Variants in MTMR3 observed in about 807,000 individuals in gnomAD.
The protein encoded by MTMR3 is phosphatidylinositol-3,5-bisphosphate 3-phosphatase MTMR3.
In MTMR3, 32 loss-of-function variants were observed where a neutral mutation model predicts 132.4. That is an observed-to-expected ratio of 0.24 (90% confidence interval 0.18 to 0.32). The LOEUF (loss-of-function observed/expected upper bound fraction) is 0.32, where lower values mean the gene tolerates loss of function less well. Among genes scored for constraint, MTMR3 ranks in the 10% least tolerant of loss-of-function variants. The pLI, the probability that MTMR3 is intolerant of heterozygous loss-of-function variation, is 1.00. For missense variants in MTMR3, 1,216 were observed against 1,489.6 expected (o/e 0.82, Z 3.02); for synonymous variants, 556 against 550.3 (o/e 1.01, Z -0.14).
At chr22:30,000,840 T>C (rs2145924874) in intron 8 of MTMR3, 1 of 152,294 alleles carries the variant, frequency 6.6e-6, no homozygotes, top group South Asian at 2.1e-4. Flanking sequence ...GGAAATTGTT[T>C]ATCCACAAGT....
At chr22:29,926,720 T>A (rs1433916061) in intron 1 of MTMR3, among the ~76,000 whole-genome samples, 2 of 152,222 alleles carry the variant, frequency 1.3e-5, no homozygotes, top group Non-Finnish European at 2.9e-5. Flanking sequence ...TCTTTGCCTA[T>A]TTTTAATTTG....
intron 1 of MTMR3, among the ~76,000 whole-genome samples, chr22:29,884,751 C>T (rs1411588578): frequency 1.3e-5 from 2 of 151,868 alleles, no homozygotes; most frequent in Admixed American, 1.3e-4. Flanking sequence ...TTAGTAGAGA[C>T]GGGGATTTCA....
chr22:29,951,156 A>C (rs1452958116), intron 1 of MTMR3, among the ~76,000 whole-genome samples: 1 of 152,122 alleles, frequency 6.6e-6, no homozygotes, highest in African/African-American at 2.4e-5. Flanking sequence ...TCTCAAAAAA[A>C]AAGTATAAAG....
At chr22:29,910,123 C>G (rs2079195054) in intron 1 of MTMR3, among the ~76,000 whole-genome samples, 1 of 149,184 alleles carries the variant, frequency 6.7e-6, no homozygotes, top group East Asian at 2.0e-4. Context: ...GAGATTGTGC[C>G]ACTGCACTCC....
At chr22:29,962,017 A>G (rs540559452) in intron 2 of MTMR3, among the ~76,000 whole-genome samples, 2 of 152,360 alleles carry the variant, frequency 1.3e-5, no homozygotes, top group East Asian at 3.9e-4. Context: ...AGGTTTGTAT[A>G]AATACCTCTG....
intron 14 of MTMR3, chr22:30,014,793 T>C (rs2067532744): frequency 6.6e-6 from 1 of 152,038 alleles, no homozygotes; most frequent in South Asian, 2.1e-4. Context: ...AGGCGTAAGC[T>C]TCGACACCTA....
At chr22:29,896,326 A>G (rs1220871724) in intron 1 of MTMR3, among the ~76,000 whole-genome samples, 1 of 152,178 alleles carries the variant, frequency 6.6e-6, no homozygotes, top group Non-Finnish European at 1.5e-5. Context: ...AAACAAACAA[A>G]AAAAACTTTT....
Position 29,979,052 on chromosome 22 carries a change from T to C in MTMR3, c.210T>C (p.Asn70=). The C allele has an allele frequency of 3.8e-6, 6 of 1,577,794 alleles. No homozygotes were observed. The highest frequency in any genetic ancestry group is 1.1e-5 in the South Asian group (1 of 90,318). The change falls in exon 5 of 20, where the codon AAT becomes AAC. Residue 70 remains asparagine, a splice_region_variant and synonymous_variant. Transcript: ENST00000401950. ...TCAAGTTCAAGGAGTCTCTTGTTAA[T>C]GTAAGTGATTACCAGCTGTTCTCCC... ...LHIKFKESLV[N]VPLQLIESVE...
intron 2 of MTMR3, among the ~76,000 whole-genome samples, chr22:29,965,189 A>C (rs1311280860): frequency 6.6e-6 from 1 of 151,886 alleles, no homozygotes; most frequent in South Asian, 2.1e-4. Context: ...ATGGTATATA[A>C]GTTGTATTAA....
chr22:29,918,501 G>C (rs2065349721), intron 1 of MTMR3, among the ~76,000 whole-genome samples: 1 of 152,060 alleles, frequency 6.6e-6, no homozygotes, highest in Admixed American at 6.6e-5. Flanking sequence ...GTGAGACTTA[G>C]GCTTATAATA....
chr22:29,975,006 G>C (rs528709417), intron 3 of MTMR3, among the ~76,000 whole-genome samples: 1 of 151,940 alleles, frequency 6.6e-6, no homozygotes, highest in African/African-American at 2.4e-5. Flanking sequence ...TCACTCTGTC[G>C]CCCGGGTTGG....
intron 1 of MTMR3, among the ~76,000 whole-genome samples, chr22:29,928,228 G>A (rs930482956): frequency 2.8e-5 from 4 of 140,572 alleles, no homozygotes; most frequent in Non-Finnish European, 6.0e-5. Flanking sequence ...GCTGGAGTAC[G>A]ATGGCATGAT....
At chr22:29,969,538 G>GTT (rs111517689) in intron 2 of MTMR3, among the ~76,000 whole-genome samples, 1 of 150,204 alleles carries the variant, frequency 6.7e-6, no homozygotes, top group African/African-American at 2.4e-5. Context: ...TGTTTTTTTG[G>GTT]TTTTTTTTTG....
At chr22:29,999,455 G>A (rs1314039920) in intron 8 of MTMR3, 1 of 152,108 alleles carries the variant, frequency 6.6e-6, no homozygotes, top group Non-Finnish European at 1.5e-5. Flanking sequence ...TTATACAGCT[G>A]GAAGGTAATT....
intron 1 of MTMR3, among the ~76,000 whole-genome samples, chr22:29,898,052 T>C (rs1215965872): frequency 1.3e-5 from 2 of 152,136 alleles, no homozygotes; most frequent in Non-Finnish European, 2.9e-5. Context: ...CTTGGCTCAC[T>C]GCAACTTCCG....
At position 30,020,286 on chromosome 22, in the gene MTMR3, T is replaced by C. The variant is rs1195467464; in HGVS notation, c.2627T>C (p.Leu876Pro). 6.2e-7 allele frequency: 1 copy of C among 1,614,212 alleles called. No homozygotes were observed. The highest frequency in any genetic ancestry group is 1.3e-5 in the African/African-American group (1 of 75,064). ...SCLVNSGKDR[L>P]PQTMEPSPSE... ...CTTGTAAATAGTGGCAAGGACAGGC[T>C]TCCTCAGACCATGGAACCCAGCCCT... Residue 876 changes from leucine (L) to proline (P), a missense_variant, in exon 17 of 20, where the codon CTT becomes CCT. By Grantham distance (98) the Leu-to-Pro change is moderately conservative. Coordinates refer to ENST00000401950, the MANE Select transcript of MTMR3 (RefSeq NM_021090.4).
At chr22:30,013,242 G>A in intron 13 of MTMR3, 114 bp from the exon 14 acceptor site, 1 of 1,077,172 alleles carries the variant, frequency 9.3e-7, no homozygotes, top group Non-Finnish European at 1.3e-6. Flanking sequence ...GGCAAGGCCG[G>A]GTGGGCTTTC....
At chr22:29,978,716 T>C (rs902608586) in intron 4 of MTMR3, among the ~76,000 whole-genome samples, 185 bp downstream of exon 4, 1 of 152,182 alleles carries the variant, frequency 6.6e-6, no homozygotes, top group African/African-American at 2.4e-5. Context: ...TTTAAGATGA[T>C]CTTCTCTGTA....
intron 2 of MTMR3, among the ~76,000 whole-genome samples, chr22:29,966,738 TG>T (rs2066425996): frequency 9.9e-6 from 1 of 101,022 alleles, no homozygotes; most frequent in Non-Finnish European, 2.1e-5. Flanking sequence ...TGTGTGTGTG[TG>T]TGTGTGTGTG....
Sources: allele counts gnomAD v4.1 joint callset (sites outside exome capture counted in the v4.1 genomes callset), GRCh38; gene constraint gnomAD v4.1.1; transcripts MANE v1.5; gene names NCBI Gene and HGNC (gene_info 2026-07-23, HGNC 2026-07-21).